SLC8A1: variants seen among roughly 807,000 people sequenced by gnomAD.
SLC8A1 encodes the protein sodium/calcium exchanger 1.
SLC8A1 carries 18 observed loss-of-function variants against 68.3 expected under a neutral mutation model. The observed-to-expected ratio is 0.26, with a 90% CI of 0.18 to 0.39. SLC8A1 has a LOEUF of 0.39. SLC8A1 is among the 10% of genes least tolerant of loss of function. The probability of loss-of-function intolerance (pLI) is 1.00; values close to 1 mark genes in which losing one functional copy is unlikely to be tolerated. For missense variants in SLC8A1, 985 were observed against 1,156.7 expected, an observed-to-expected ratio of 0.85 and a Z score of 2.15; for synonymous variants, 475 against 415.5, an observed-to-expected ratio of 1.14 and a Z score of -1.74.
intron 2 of SLC8A1, among the ~76,000 whole-genome samples, chr2:40,420,680 T>A (rs1308656752): frequency 6.6e-6 from 1 of 152,190 alleles, no homozygotes; most frequent in African/African-American, 2.4e-5. Context: ...GCAATGTGGT[T>A]AATACACGTT....
intron 1 of SLC8A1, among the ~76,000 whole-genome samples, chr2:40,473,565 T>A (rs1298978936): frequency 2.6e-5 from 4 of 152,230 alleles, no homozygotes; most frequent in African/African-American, 9.6e-5. Context: ...TTGATTGCTA[T>A]ATTTCAACTT....
At chr2:40,457,470 A>G (rs962521641) in intron 1 of SLC8A1, among the ~76,000 whole-genome samples, 1 of 152,218 alleles carries the variant, frequency 6.6e-6, no homozygotes, top group Non-Finnish European at 1.5e-5. Context: ...GCTTACCACA[A>G]TGCCCAGACA....
intron 2 of SLC8A1, among the ~76,000 whole-genome samples, chr2:40,392,574 G>A (rs375360785): frequency 6.6e-6 from 1 of 152,140 alleles, no homozygotes; most frequent in Admixed American, 6.6e-5. Flanking sequence ...TCATGGGTAA[G>A]TGCTAATTGC....
chr2:40,286,757 C>G (rs1245944480), intron 2 of SLC8A1, among the ~76,000 whole-genome samples: 1 of 152,172 alleles, frequency 6.6e-6, no homozygotes, highest in East Asian at 1.9e-4. Context: ...ACCAAACAAC[C>G]AGGGACCTAC....
chr2:40,239,062 A>T (rs1282569048), intron 2 of SLC8A1, among the ~76,000 whole-genome samples: 2 of 152,160 alleles, frequency 1.3e-5, no homozygotes, highest in Non-Finnish European at 2.9e-5. Context: ...AAAAAAAAAA[A>T]AGAATTTTAT....
intron 2 of SLC8A1, among the ~76,000 whole-genome samples, chr2:40,232,391 G>GTT (rs1371594830): frequency 3.7e-5 from 2 of 54,412 alleles, no homozygotes; most frequent in African/African-American, 1.1e-4. Flanking sequence ...TATGGTGCAA[G>GTT]TTATTTTTTT....
At chr2:40,192,041 T>C (rs912014757) in intron 2 of SLC8A1, among the ~76,000 whole-genome samples, 4 of 152,096 alleles carry the variant, frequency 2.6e-5, no homozygotes, top group Non-Finnish European at 4.4e-5. Flanking sequence ...AAATATACAA[T>C]AAGACAAATT....
chr2:40,334,135 T>G lies in SLC8A1; in HGVS notation c.1808+94338A>C, dbSNP rs554565667. Among the ~76,000 whole-genome samples the G allele has an allele frequency of 5.3e-5, 8 of 152,282 alleles. No homozygotes were observed. The South Asian group carries it at 1.7e-3, about 32-fold the overall frequency. ...CATCATCAACATATCTATAGAAACA[T>G]AAGTGTTAGAATTAGCTAAAAGGAG... is the stretch of plus-strand genomic sequence containing the variant. On this transcript the variant is annotated intron_variant, in intron 2 of 7. Coordinates refer to ENST00000406785, the Ensembl canonical transcript of SLC8A1.
chr2:40,482,193 T>A (rs1704673516), intron 1 of SLC8A1, among the ~76,000 whole-genome samples: 1 of 152,222 alleles, frequency 6.6e-6, no homozygotes, highest in Non-Finnish European at 1.5e-5. Context: ...TAAAAACGAA[T>A]GTCCCAGATG....
At chr2:40,379,145 T>G (rs1424436220) in intron 2 of SLC8A1, among the ~76,000 whole-genome samples, 1 of 152,092 alleles carries the variant, frequency 6.6e-6, no homozygotes, top group East Asian at 1.9e-4. Context: ...ATCCCCATGG[T>G]TATTTACTCC....
At chr2:40,456,106 G>A (rs1347776879), upstream of SLC8A1, among the ~76,000 whole-genome samples, 1 of 152,108 alleles carries the variant, frequency 6.6e-6, no homozygotes, top group Non-Finnish European at 1.5e-5. Context: ...CACGAGGTCA[G>A]GAGATCGAGA....
intron 2 of SLC8A1, among the ~76,000 whole-genome samples, chr2:40,332,087 C>G (rs2076473093): frequency 6.6e-6 from 1 of 152,048 alleles, no homozygotes; most frequent in Non-Finnish European, 1.5e-5. Context: ...AGTGTTGGGA[C>G]TATAGGCATC....
chr2:40,417,054 A>C (rs565706440), intron 2 of SLC8A1, among the ~76,000 whole-genome samples: 1 of 152,272 alleles, frequency 6.6e-6, no homozygotes, highest in Admixed American at 6.5e-5. Context: ...GCATTTTAAA[A>C]TGTCTTAGGT....
At chr2:40,398,084 G>C (rs982397638) in intron 2 of SLC8A1, among the ~76,000 whole-genome samples, 22 of 152,204 alleles carry the variant, frequency 1.4e-4, no homozygotes, top group African/African-American at 5.1e-4. Flanking sequence ...GTTATTGAAA[G>C]AAAGTAACCC....
At chr2:40,465,070 C>A (rs920915747) in intron 1 of SLC8A1, among the ~76,000 whole-genome samples, 15 of 152,138 alleles carry the variant, frequency 9.9e-5, no homozygotes, top group Non-Finnish European at 4.4e-5. Flanking sequence ...CTTTGCAAAT[C>A]TCTAGAGAAG....
intron 2 of SLC8A1, among the ~76,000 whole-genome samples, chr2:40,388,033 A>T (rs12469017): frequency 0.021 from 3,178 of 151,992 alleles, 211 homozygotes; most frequent in East Asian, 0.19. Context: ...TTTGTATCTC[A>T]AATTGGCATC....
At chr2:40,317,453 T>G (rs529800554) in intron 2 of SLC8A1, among the ~76,000 whole-genome samples, 2 of 152,172 alleles carry the variant, frequency 1.3e-5, no homozygotes, top group East Asian at 3.9e-4. Flanking sequence ...AATAAAAAGC[T>G]TAAAGCAAGT....
intron 2 of SLC8A1, among the ~76,000 whole-genome samples, chr2:40,397,910 T>C (rs1687492790): frequency 1.3e-5 from 2 of 152,180 alleles, no homozygotes; most frequent in Admixed American, 1.3e-4. Flanking sequence ...TTTATCATGG[T>C]TGGGTAGCTG....
intron 2 of SLC8A1, among the ~76,000 whole-genome samples, chr2:40,316,523 T>A (rs970809268): frequency 2.8e-4 from 36 of 127,240 alleles, no homozygotes; most frequent in African/African-American, 1.2e-3. Context: ...ATTAGGAACA[T>A]GTGTTCTTTG....
Sources: allele counts gnomAD v4.1 joint callset (sites outside exome capture counted in the v4.1 genomes callset), GRCh38; gene constraint gnomAD v4.1.1; transcripts MANE v1.5; gene names NCBI Gene and HGNC (gene_info 2026-07-23, HGNC 2026-07-21).